CNTNAP4: variants seen among roughly 807,000 people sequenced by gnomAD.
CNTNAP4 encodes the protein contactin associated protein family member 4, also known as contactin-associated protein-like 4.
CNTNAP4 carries 98 observed loss-of-function variants against 148.4 expected under a neutral mutation model. The ratio of observed to expected loss-of-function variants is 0.66; its 90% CI spans 0.56 to 0.78. The LOEUF is 0.78. Among genes scored for constraint, CNTNAP4 ranks in the 30% least tolerant of loss-of-function variants. The pLI, the probability that CNTNAP4 is intolerant of heterozygous loss-of-function variation, is 0.00. For synonymous variants in CNTNAP4, 730 were observed against 565.1 expected, an observed-to-expected ratio of 1.29 and a Z score of -4.14; for missense variants, 1,935 against 1,565.6, an observed-to-expected ratio of 1.24 and a Z score of -3.98.
intron 9 of CNTNAP4, among the ~76,000 whole-genome samples, chr16:76,465,422 T>G (rs1406078593): frequency 6.6e-6 from 1 of 152,200 alleles, no homozygotes; most frequent in African/African-American, 2.4e-5. Flanking sequence ...CATGATAGGA[T>G]AGTATGCTTT....
chr16:76,496,831 C>A (rs552940444), intron 14 of CNTNAP4, among the ~76,000 whole-genome samples: 1 of 152,210 alleles, frequency 6.6e-6, no homozygotes, highest in East Asian at 1.9e-4. Context: ...AAATTAAGAG[C>A]AGTTATTACA....
At position 76,452,490 on chromosome 16, in the gene CNTNAP4, C is replaced by G. The variant is rs765918338; in HGVS notation, c.1072-18C>G. On this transcript the variant is annotated intron_variant, in intron 7 of 23. Coordinates refer to ENST00000611870, the MANE Select transcript of CNTNAP4 (RefSeq NM_033401.5). The stretch of plus-strand genomic sequence containing the variant: ...GTGAATAACATTCTGAAAGCTTTTT[C>G]TTTTACTTTATTCTCAGGGAAATGT... 6.2e-7 allele frequency: 1 copy of G among 1,612,120 alleles called. No individual in the cohort carries two copies. The highest frequency in any genetic ancestry group is 1.1e-5 in the South Asian group (1 of 90,736).
rs983725591 is a variant in CNTNAP4 at position 76,510,197 on chromosome 16, T to C, written c.2366-10943T>C. On this transcript the variant is annotated intron_variant, in intron 15 of 23. Transcript: ENST00000611870. ...GCAACCAGTAACCTGCTTTTTTTTTTCTACAGACTTGCATATTCTGAATAT... is the reference window on the plus strand; with the variant it reads ...GCAACCAGTAACCTGCTTTTTTTTTCCTACAGACTTGCATATTCTGAATAT... Among the ~76,000 whole-genome samples, 5 of 151,390 alleles carry C rather than the reference T, an allele frequency of 3.3e-5. No homozygotes were observed. The East Asian group carries it at 5.8e-4, about 18-fold the overall frequency.
chr16:76,378,056 A>C (rs2015603259), intron 3 of CNTNAP4, among the ~76,000 whole-genome samples: 1 of 152,198 alleles, frequency 6.6e-6, no homozygotes, highest in Non-Finnish European at 1.5e-5. Context: ...GGCTGCTCGA[A>C]TCCAGAGATC....
At chr16:76,521,772 G>A (rs1038758736) in intron 16 of CNTNAP4, among the ~76,000 whole-genome samples, 2 of 151,446 alleles carry the variant, frequency 1.3e-5, no homozygotes, top group Admixed American at 6.6e-5. Context: ...ACTTTTTATC[G>A]ATAGGAAAAA....
intron 10 of CNTNAP4, among the ~76,000 whole-genome samples, chr16:76,470,482 A>AAT (rs67354977): frequency 0.57 from 54,787 of 96,908 alleles, 14,134 homozygotes; most frequent in Admixed American, 0.64. Context: ...CTCTACTAAT[A>AAT]ATATATATAT....
intron 14 of CNTNAP4, chr16:76,495,313 T>A (rs973680981): frequency 2.9e-5 from 8 of 279,608 alleles, no homozygotes. Context: ...CAGAGACACC[T>A]GTTATATGGG....
intron 13 of CNTNAP4, among the ~76,000 whole-genome samples, chr16:76,491,572 G>C (rs1307470562): frequency 6.6e-6 from 1 of 152,080 alleles, no homozygotes; most frequent in African/African-American, 2.4e-5. Flanking sequence ...GTTTGTAATG[G>C]GTTGTTCATT....
rs756440694 is a variant in CNTNAP4 at position 76,539,766 on chromosome 16, G to A, written c.3268G>A (p.Val1090Ile). The A allele has an allele frequency of 1.2e-6, 2 of 1,602,086 alleles. No individual in the cohort carries two copies. The highest frequency in any genetic ancestry group is 2.2e-5 in the South Asian group (2 of 89,306). Reference sequence around the variant, plus strand: ...GTTAAATAAATATCAAGAGCCTGATGTTGTTAACTTTGATTTTAAAAACAT... The same window carrying A: ...GTTAAATAAATATCAAGAGCCTGATATTGTTAACTTTGATTTTAAAAACAT... ...YKLNKYQEPDVVNFDFKNMAD... is the reference protein window; with the variant it reads ...YKLNKYQEPDIVNFDFKNMAD... The change falls in exon 20 of 24, where the codon GTT (valine) becomes ATT (isoleucine). Residue 1090 changes from valine (V) to isoleucine (I), a missense_variant. Coordinates refer to ENST00000611870, the MANE Select transcript of CNTNAP4 (RefSeq NM_033401.5).
Position 76,540,723 on chromosome 16 carries a change from A to G in CNTNAP4, c.3375A>G (p.Arg1125=). ...VFIEIDDNRR[R]QVHLSSGTEF... is the part of the protein sequence containing the mutation. ...TGTAGATTGACGATAATAGAAGGAG[A>G]CAAGTTCACCTGTCATCAGGCACAG... Residue 1125 remains arginine, a synonymous_variant, in exon 21 of 24, where the codon AGA becomes AGG. Coordinates refer to ENST00000611870, the MANE Select transcript of CNTNAP4 (RefSeq NM_033401.5). 1 of 1,573,164 alleles carries G rather than the reference A, an allele frequency of 6.4e-7. No individual in the cohort carries two copies. The highest frequency in any genetic ancestry group is 8.6e-7 in the Non-Finnish European group (1 of 1,157,132).
intron 2 of CNTNAP4, among the ~76,000 whole-genome samples, chr16:76,354,209 A>T (rs1434520694): frequency 6.6e-6 from 1 of 152,216 alleles, no homozygotes; most frequent in Admixed American, 6.5e-5. Flanking sequence ...AACTTTTACA[A>T]TGATTATATG....
rs117285611 is a variant in CNTNAP4 at position 76,444,851 on chromosome 16, C to T, written c.539-3161C>T. The stretch of plus-strand genomic sequence containing the variant: ...TAATGTACTCGCATTGTGAATTATA[C>T]TGAACTTTTTTTCTCTGAAGGGTAT... On this transcript the variant is annotated intron_variant, in intron 4 of 23. Coordinates refer to ENST00000611870, the MANE Select transcript of CNTNAP4 (RefSeq NM_033401.5). Among the ~76,000 whole-genome samples the T allele has an allele frequency of 1.3e-3, 191 of 152,104 alleles. 2 individuals carry two copies. In the East Asian group the frequency reaches 0.026, roughly 21 times the overall value.
At chr16:76,404,192 A>T (rs188975128) in intron 3 of CNTNAP4, among the ~76,000 whole-genome samples, 43 of 152,308 alleles carry the variant, frequency 2.8e-4, no homozygotes, top group Admixed American at 8.5e-4. Context: ...AAAAAAATTC[A>T]GTAAAGTAAA....
At chr16:76,494,307 G>T (rs2082327114) in intron 13 of CNTNAP4, among the ~76,000 whole-genome samples, 1 of 152,122 alleles carries the variant, frequency 6.6e-6, no homozygotes, top group Admixed American at 6.5e-5. Context: ...AGATTTTTCA[G>T]TGTTATTTCT....
intron 2 of CNTNAP4, among the ~76,000 whole-genome samples, chr16:76,322,746 A>G (rs1286107938): frequency 6.6e-6 from 1 of 152,006 alleles, no homozygotes; most frequent in Non-Finnish European, 1.5e-5. Context: ...AAATATATAT[A>G]CTCATTTATA....
At chr16:76,378,969 G>C (rs2015701493) in intron 3 of CNTNAP4, among the ~76,000 whole-genome samples, 1 of 152,130 alleles carries the variant, frequency 6.6e-6, no homozygotes. Context: ...CACTTGATTT[G>C]TGACTTTGAC....
chr16:76,391,823 C>T lies in CNTNAP4; in HGVS notation c.391-35629C>T, dbSNP rs2017023442. Among the ~76,000 whole-genome samples, 2 of 152,220 alleles carry T rather than the reference C, an allele frequency of 1.3e-5. 1 individual carries two copies. The highest frequency in any genetic ancestry group is 4.1e-4 in the South Asian group (2 of 4,834). On this transcript the variant is annotated intron_variant, in intron 3 of 23. Transcript: ENST00000611870. ...TAGAAATACAGGATCTCAGTCACTG[C>T]TTCAGACGTCTTGAGTCAGAATCTG...
At chr16:76,355,535 A>C in intron 3 of CNTNAP4, 24 bp downstream of exon 3, 2 of 1,553,568 alleles carry the variant, frequency 1.3e-6, no homozygotes, top group Non-Finnish European at 1.7e-6. Flanking sequence ...CAAAAGACAT[A>C]GTCTCTCGGG....
At chr16:76,484,957 C>T (rs903842091) in intron 12 of CNTNAP4, among the ~76,000 whole-genome samples, 1 of 152,034 alleles carries the variant, frequency 6.6e-6, no homozygotes, top group Non-Finnish European at 1.5e-5. Flanking sequence ...GCATTATAAG[C>T]TAAAATCTAC....
Sources: gnomAD v4.1 joint callset for allele counts (sites outside exome capture counted in the v4.1 genomes callset) on GRCh38, gnomAD v4.1.1 for gene constraint, MANE v1.5 for transcripts, NCBI Gene and HGNC (gene_info 2026-07-23, HGNC 2026-07-21) for gene names.